The following ZBTB7C variants were observed in gnomAD, a reference collection of about 807,000 sequenced individuals.
ZBTB7C encodes the protein zinc finger and BTB domain containing 7C.
In ZBTB7C, 8 loss-of-function variants were observed where a neutral mutation model predicts 25.7. The observed-to-expected ratio is 0.31, with a 90% CI of 0.18 to 0.56. The LOEUF is 0.56. Ranked by LOEUF, ZBTB7C falls within the 20% of genes least tolerant of loss-of-function variation. ZBTB7C has a pLI of 0.91. For missense variants in ZBTB7C, 824 were observed against 855.2 expected, an observed-to-expected ratio of 0.96 and a Z score of 0.46; for synonymous variants, 394 against 369.0, an observed-to-expected ratio of 1.07 and a Z score of -0.78.
intron 3 of ZBTB7C, among the ~76,000 whole-genome samples, chr18:48,109,193 G>A (rs2039143767): frequency 6.6e-6 from 1 of 152,134 alleles, no homozygotes; most frequent in Non-Finnish European, 1.5e-5. Context: ...GGCCTAATGA[G>A]GCCCAAGGGA....
chr18:48,173,875 C>G (rs1338149517), intron 3 of ZBTB7C, among the ~76,000 whole-genome samples: 5 of 152,232 alleles, frequency 3.3e-5, no homozygotes, highest in African/African-American at 1.2e-4. Flanking sequence ...TCCATCACTA[C>G]AGGGCAGACA....
chr18:48,239,834 A>G (rs1159523223), intron 2 of ZBTB7C, among the ~76,000 whole-genome samples: 3 of 152,214 alleles, frequency 2.0e-5, no homozygotes, highest in African/African-American at 7.2e-5. Context: ...ATATCACACT[A>G]GCTCACCAGC....
chr18:48,172,536 G>T (rs1010060200), intron 3 of ZBTB7C, among the ~76,000 whole-genome samples: 3 of 152,206 alleles, frequency 2.0e-5, no homozygotes, highest in Non-Finnish European at 4.4e-5. Context: ...GGAGCTGGGG[G>T]AGAGGGAGAC....
chr18:48,407,433 C>T (rs771278462), intron 1 of ZBTB7C, among the ~76,000 whole-genome samples: 6 of 152,122 alleles, frequency 3.9e-5, no homozygotes, highest in South Asian at 2.1e-4. Context: ...GGGCACGGGA[C>T]GGGAAATATA....
At chr18:48,253,259 T>C (rs975612157) in intron 2 of ZBTB7C, among the ~76,000 whole-genome samples, 3 of 152,006 alleles carry the variant, frequency 2.0e-5, no homozygotes, top group African/African-American at 7.3e-5. Context: ...AGGGATCTAG[T>C]CAAGGTAAAA....
At chr18:48,064,365 C>A (rs747095971) in intron 3 of ZBTB7C, among the ~76,000 whole-genome samples, 8 of 152,222 alleles carry the variant, frequency 5.3e-5, no homozygotes, top group Non-Finnish European at 7.3e-5. Flanking sequence ...CTTATCATGT[C>A]AATGACTCGT....
In ZBTB7C at chr18:48,142,908, G is replaced by C. The variant is rs182982102; in HGVS notation, c.-17+43026C>G. Among the ~76,000 whole-genome samples, 9 of 146,216 alleles carry C rather than the reference G, an allele frequency of 6.2e-5. No individual in the cohort carries two copies. The South Asian group carries it at 1.9e-3, about 30-fold the overall frequency. ...CCTCTCTCCCTTCCTTCCCTTCACA[G>C]GTATGTACTACCTATTCTGTGCCCC... On this transcript the variant is annotated intron_variant, in intron 3 of 4. Transcript: ENST00000590800.
intron 2 of ZBTB7C, among the ~76,000 whole-genome samples, chr18:48,327,126 T>C (rs2046237717): frequency 6.6e-6 from 1 of 152,130 alleles, no homozygotes; most frequent in Non-Finnish European, 1.5e-5. Flanking sequence ...GGCAGCCTGC[T>C]CAGGCTGGTC....
At chr18:48,072,863 C>T (rs1197264392) in intron 3 of ZBTB7C, among the ~76,000 whole-genome samples, 1 of 152,198 alleles carries the variant, frequency 6.6e-6, no homozygotes, top group Non-Finnish European at 1.5e-5. Flanking sequence ...GATGTTTGAC[C>T]CTGGCCAGCC....
intron 1 of ZBTB7C, among the ~76,000 whole-genome samples, chr18:48,371,824 G>A (rs1038670): frequency 0.13 from 19,337 of 152,226 alleles, 1,317 homozygotes; most frequent in Non-Finnish European, 0.14. Context: ...ACCCTGGAAG[G>A]TAGGCCATTA....
intron 2 of ZBTB7C, among the ~76,000 whole-genome samples, chr18:48,324,771 G>A (rs75735061): frequency 0.015 from 2,247 of 152,280 alleles, 50 homozygotes; most frequent in African/African-American, 0.05. Context: ...TGTGTGCTGC[G>A]TGAAGACTGG....
At chr18:48,330,316 T>A (rs1331213274) in intron 2 of ZBTB7C, among the ~76,000 whole-genome samples, 2 of 152,184 alleles carry the variant, frequency 1.3e-5, no homozygotes, top group Admixed American at 6.5e-5. Context: ...TAATTTCTGC[T>A]GTGCAAATTA....
At chr18:48,289,856 G>A (rs2045169858) in intron 2 of ZBTB7C, among the ~76,000 whole-genome samples, 1 of 152,080 alleles carries the variant, frequency 6.6e-6, no homozygotes, top group East Asian at 1.9e-4. Flanking sequence ...TCCTAGAAGG[G>A]TGCATGTTAG....
At chr18:48,401,942 A>G (rs2048168073) in intron 1 of ZBTB7C, among the ~76,000 whole-genome samples, 1 of 152,162 alleles carries the variant, frequency 6.6e-6, no homozygotes, top group African/African-American at 2.4e-5. Flanking sequence ...CCTTCTTCCC[A>G]GGATGCAATG....
At chr18:48,317,059 G>T (rs2045964934) in intron 2 of ZBTB7C, among the ~76,000 whole-genome samples, 1 of 152,104 alleles carries the variant, frequency 6.6e-6, no homozygotes, top group Non-Finnish European at 1.5e-5. Context: ...GATCACCTGA[G>T]GTCAGGAGTT....
chr18:48,290,644 T>G (rs1188387341), intron 2 of ZBTB7C, among the ~76,000 whole-genome samples: 1 of 152,154 alleles, frequency 6.6e-6, no homozygotes, highest in Non-Finnish European at 1.5e-5. Context: ...ATTGTTGGAG[T>G]TGGACCATTA....
intron 2 of ZBTB7C, among the ~76,000 whole-genome samples, chr18:48,246,012 T>C (rs188906096): frequency 6.6e-6 from 1 of 152,300 alleles, no homozygotes; most frequent in East Asian, 1.9e-4. Flanking sequence ...GTAACTGAAG[T>C]ACATTTTCAC....
At position 48,254,878 on chromosome 18, in the gene ZBTB7C, A is replaced by G. The variant is rs561585454; in HGVS notation, c.-78-68883T>C. 4.6e-5 allele frequency among the ~76,000 whole-genome samples: 7 copies of G among 152,276 alleles called. No individual in the cohort carries two copies. The East Asian group carries it at 1.2e-3, about 25-fold the overall frequency. On this transcript the variant is annotated intron_variant, in intron 2 of 4. Transcript: ENST00000590800. ...GACTTGCCATGCACATCAGGCAATG[A>G]ACCTATTATGGTTTGTTCATGATGC...
At chr18:48,097,662 G>A (rs1293648090) in intron 3 of ZBTB7C, among the ~76,000 whole-genome samples, 4 of 152,158 alleles carry the variant, frequency 2.6e-5, no homozygotes, top group Non-Finnish European at 4.4e-5. Flanking sequence ...CTCCCAAAGT[G>A]CTGGGATTAC....
Sources: gnomAD v4.1 joint callset for allele counts (sites outside exome capture counted in the v4.1 genomes callset) on GRCh38, gnomAD v4.1.1 for gene constraint, MANE v1.5 for transcripts, NCBI Gene and HGNC (gene_info 2026-07-23, HGNC 2026-07-21) for gene names.